The following ADD3 variants were observed in gnomAD, a reference collection of about 807,000 sequenced individuals.
ADD3 encodes adducin 3.
ADD3 carries 25 observed loss-of-function variants against 80.2 expected under a neutral mutation model. The observed-to-expected ratio is 0.31, with a 90% CI of 0.23 to 0.44. The LOEUF (loss-of-function observed/expected upper bound fraction) is 0.44, where lower values mean the gene tolerates loss of function less well. Ranked by LOEUF, ADD3 falls within the 20% of genes least tolerant of loss-of-function variation. ADD3 has a pLI of 1.00. For missense variants in ADD3, 829 were observed against 847.5 expected (o/e 0.98, Z 0.27); for synonymous variants, 284 against 289.6 (o/e 0.98, Z 0.20).
intron 2 of ADD3, among the ~76,000 whole-genome samples, chr10:110,103,509 G>C (rs1005437142): frequency 2.0e-5 from 3 of 152,212 alleles, no homozygotes; most frequent in Admixed American, 1.3e-4. Context: ...AAAGCTGCTT[G>C]AGTGTTCTTC....
chr10:110,120,259 A>C (rs1345475158), intron 8 of ADD3, among the ~76,000 whole-genome samples: 3 of 116,566 alleles, frequency 2.6e-5, no homozygotes, highest in African/African-American at 1.0e-4. Context: ...AGAGTGTGAT[A>C]TTCCCCTTCC....
At chr10:110,085,707 A>G (rs947497623) in intron 1 of ADD3, among the ~76,000 whole-genome samples, 2 of 152,230 alleles carry the variant, frequency 1.3e-5, no homozygotes, top group African/African-American at 2.4e-5. Context: ...GGGTTCAGGC[A>G]TAGACCTTCA....
At chr10:110,056,265 A>G (rs1423114509) in intron 1 of ADD3, among the ~76,000 whole-genome samples, 2 of 152,224 alleles carry the variant, frequency 1.3e-5, no homozygotes, top group Non-Finnish European at 2.9e-5. Context: ...TAAATTGCAT[A>G]CTAGAGTTAC....
intron 1 of ADD3, among the ~76,000 whole-genome samples, chr10:110,070,464 A>C (rs1844529657): frequency 6.6e-6 from 1 of 152,202 alleles, no homozygotes; most frequent in African/African-American, 2.4e-5. Flanking sequence ...AAAAATCTAA[A>C]ATCAAAGTAG....
chr10:109,999,603 C>G (rs1851444617), intron 1 of ADD3, among the ~76,000 whole-genome samples: 1 of 152,148 alleles, frequency 6.6e-6, no homozygotes, highest in African/African-American at 2.4e-5. Flanking sequence ...AAAACAGGAT[C>G]AATGATACTA....
intron 14 of ADD3, 57 bp from the exon 15 acceptor site, chr10:110,133,269 T>C (rs1159367064): frequency 2.1e-5 from 31 of 1,501,708 alleles, no homozygotes; most frequent in Non-Finnish European, 2.7e-5. Context: ...TTTTGTAAAG[T>C]AGAGCAAAAA....
chr10:110,110,519 G>A (rs969196785), intron 2 of ADD3, among the ~76,000 whole-genome samples: 2 of 152,100 alleles, frequency 1.3e-5, no homozygotes, highest in Non-Finnish European at 2.9e-5. Flanking sequence ...GGTCCTTTAT[G>A]GTTGAGCACC....
chr10:110,100,781 C>G lies in ADD3; in HGVS notation c.128C>G (p.Pro43Arg). Residue 43 changes from proline to arginine, a missense_variant, in exon 2 of 15, where the codon CCT becomes CGT. Physicochemically the swap from Pro to Arg is moderately radical, Grantham distance 103. Coordinates refer to ENST00000356080, the MANE Select transcript of ADD3 (RefSeq NM_016824.5). ...TACATTAGGGAGAGGAACATGTCTC[C>G]TGATCTACGACAAGACTTCAACATG... ...PEYIRERNMS[P>R]DLRQDFNMME... The G allele has an allele frequency of 6.2e-7, 1 of 1,613,564 alleles. No homozygotes were observed. The highest frequency in any genetic ancestry group is 8.5e-7 in the Non-Finnish European group (1 of 1,179,766).
At chr10:110,101,695 C>T (rs574740237) in intron 2 of ADD3, among the ~76,000 whole-genome samples, 1 of 151,090 alleles carries the variant, frequency 6.6e-6, no homozygotes, top group South Asian at 2.1e-4. Context: ...CAGCAATAGT[C>T]AGACTTTGTG....
intron 1 of ADD3, among the ~76,000 whole-genome samples, chr10:110,074,814 C>T (rs895325227): frequency 3.3e-5 from 5 of 152,198 alleles, no homozygotes; most frequent in Non-Finnish European, 7.4e-5. Flanking sequence ...ATGAGTTGCA[C>T]ACAAGCTCAT....
chr10:110,054,415 A>G (rs1223698023), intron 1 of ADD3, among the ~76,000 whole-genome samples: 2 of 149,154 alleles, frequency 1.3e-5, no homozygotes, highest in East Asian at 4.0e-4. Context: ...TAGCTGCAAG[A>G]TCTTGGGAGA....
At chr10:110,055,946 A>G (rs1858138400) in intron 1 of ADD3, among the ~76,000 whole-genome samples, 1 of 152,238 alleles carries the variant, frequency 6.6e-6, no homozygotes, top group Admixed American at 6.5e-5. Flanking sequence ...TAACGGTCAA[A>G]TGAAACATAA....
At position 110,095,597 on chromosome 10, in the gene ADD3, A is replaced by G. The variant is rs199666926; in HGVS notation, c.-29-5028A>G. On this transcript the variant is annotated intron_variant, in intron 1 of 14. Coordinates refer to ENST00000356080, the MANE Select transcript of ADD3 (RefSeq NM_016824.5). ...CCACTTTCTGGATTACCATATGACA[A>G]AATACTATACTTTGTGTTTGTCAGT... Among the ~76,000 whole-genome samples, 27 of 152,332 alleles carry G rather than the reference A, an allele frequency of 1.8e-4. No individual in the cohort carries two copies. In the East Asian group the frequency reaches 5.2e-3, roughly 29 times the overall value.
Position 110,132,351 on chromosome 10 carries a change from A to G in ADD3, c.1779A>G (p.Gln593=), listed in dbSNP as rs1052591455. The change falls in exon 14 of 15, where the codon CAA becomes CAG. Residue 593 remains glutamine, a synonymous_variant. Coordinates refer to ENST00000356080, the MANE Select transcript of ADD3 (RefSeq NM_016824.5). Reference sequence around the variant, plus strand: ...CAGATGACGCTTCATCTGTTTCACAAATTCAGTCTCAAACTCAGTCACCGC... The same window carrying G: ...CAGATGACGCTTCATCTGTTTCACAGATTCAGTCTCAAACTCAGTCACCGC... ...LLSDDASSVS[Q]IQSQTQSPQN... 1.9e-6 allele frequency: 3 copies of G among 1,613,938 alleles called. No individual in the cohort carries two copies. The highest frequency in any genetic ancestry group is 1.1e-5 in the South Asian group (1 of 91,072).
In ADD3 at chr10:110,122,049, T is replaced by A. The variant is rs1851573134; in HGVS notation, c.961-61T>A. ...AATTGAAATTGTGCCTTTTTGAAAG[T>A]AAAATACTCATTACAGTCTTTATAG... On this transcript the variant is annotated intron_variant, in intron 8 of 14. Transcript: ENST00000356080. 8 of 1,437,926 alleles carry A rather than the reference T, an allele frequency of 5.6e-6. No homozygotes were observed. In the South Asian group the frequency reaches 1.2e-4, roughly 21 times the overall value. 89.1% of individuals were successfully genotyped at this position (1,437,926 alleles called of 1,614,324 possible).
At chr10:110,116,763 G>A (rs1850784328) in intron 4 of ADD3, among the ~76,000 whole-genome samples, 1 of 152,208 alleles carries the variant, frequency 6.6e-6, no homozygotes, top group Non-Finnish European at 1.5e-5. Flanking sequence ...GGAGGTCAGG[G>A]AAGTTTCCTC....
intron 1 of ADD3, among the ~76,000 whole-genome samples, chr10:110,066,843 A>G (rs1054251265): frequency 6.6e-6 from 1 of 152,238 alleles, no homozygotes; most frequent in African/African-American, 2.4e-5. Context: ...GAGTATTTCC[A>G]TGAGCGTTTC....
intron 1 of ADD3, among the ~76,000 whole-genome samples, chr10:110,060,114 G>T (rs1858706691): frequency 6.6e-6 from 1 of 152,250 alleles, no homozygotes; most frequent in Admixed American, 6.5e-5. Context: ...TTCCTGTTCA[G>T]CTGAGAAGAT....
chr10:110,055,109 A>G (rs183298161), intron 1 of ADD3, among the ~76,000 whole-genome samples: 20 of 152,352 alleles, frequency 1.3e-4, no homozygotes, highest in Admixed American at 1.2e-3. Context: ...ACCTCTAGTA[A>G]GTGCCCAATA....
Sources: allele counts gnomAD v4.1 joint callset (sites outside exome capture counted in the v4.1 genomes callset), GRCh38; gene constraint gnomAD v4.1.1; transcripts MANE v1.5; gene names NCBI Gene and HGNC (gene_info 2026-07-23, HGNC 2026-07-21).